Variants in FAM193A observed in about 807,000 individuals in gnomAD.
FAM193A encodes the protein family with sequence similarity 193 member A, also known as protein FAM193A.
Under a neutral mutation model 126.5 loss-of-function variants are expected in FAM193A, and 22 were observed. The ratio of observed to expected loss-of-function variants is 0.17; its 90% CI spans 0.12 to 0.25. FAM193A has a LOEUF of 0.25. Ranked by LOEUF, FAM193A falls within the 10% of genes least tolerant of loss-of-function variation. The pLI is 1.00. For synonymous variants in FAM193A, 761 were observed against 646.8 expected (o/e 1.18, Z -2.68); for missense variants, 1,675 against 1,672.8 (o/e 1.00, Z -0.02).
chr4:2,670,378 T>G (rs1713651104), intron 12 of FAM193A, among the ~76,000 whole-genome samples: 1 of 152,234 alleles, frequency 6.6e-6, no homozygotes, highest in African/African-American at 2.4e-5. Flanking sequence ...ACAGCTGCTT[T>G]GACATCTTTG....
intron 1 of FAM193A, among the ~76,000 whole-genome samples, chr4:2,575,341 A>G (rs1333674467): frequency 6.6e-6 from 1 of 152,226 alleles, no homozygotes; most frequent in African/African-American, 2.4e-5. Flanking sequence ...GCGCTCAGTC[A>G]GGGCCAGGCT....
intron 6 of FAM193A, among the ~76,000 whole-genome samples, chr4:2,646,353 G>A (rs1266908845): frequency 1.3e-5 from 2 of 151,674 alleles, no homozygotes; most frequent in Non-Finnish European, 2.9e-5. Context: ...TGTATTTTTA[G>A]TAGAGATGGG....
At chr4:2,597,943 C>T (rs1480457941) in intron 2 of FAM193A, among the ~76,000 whole-genome samples, 1 of 151,986 alleles carries the variant, frequency 6.6e-6, no homozygotes, top group African/African-American at 2.4e-5. Context: ...CTCGCTCTGT[C>T]ACCCAGGCTG....
At chr4:2,641,561 A>G (rs1293256063) in intron 6 of FAM193A, among the ~76,000 whole-genome samples, 1 of 152,110 alleles carries the variant, frequency 6.6e-6, no homozygotes, top group Non-Finnish European at 1.5e-5. Context: ...AGGCTGAGGC[A>G]GAAGAATGGC....
chr4:2,603,168 A>G (rs528347436), intron 2 of FAM193A, among the ~76,000 whole-genome samples: 1 of 137,222 alleles, frequency 7.3e-6, no homozygotes, highest in African/African-American at 3.3e-5. Context: ...ATATATATAT[A>G]TTTTTTAGTA....
At position 2,662,923 on chromosome 4, in the gene FAM193A, G is replaced by T. The variant is rs779580480; in HGVS notation, c.1831G>T (p.Val611Leu). 2 of 1,613,724 alleles carry T rather than the reference G, an allele frequency of 1.2e-6. No individual in the cohort carries two copies. Among genetic ancestry groups the T allele is most frequent in the Non-Finnish European group, 1.7e-6 (2 of 1,179,790 alleles). The change falls in exon 11 of 21, where the codon GTG becomes TTG. Residue 611 changes from valine (V) to leucine (L), a missense_variant. Around this residue, in one of 4 missense-constraint regions of FAM193A, gnomAD observed 1,186 missense variants for 1,109.2 expected, o/e 1.07. Transcript: ENST00000637812. ...PLSNYDDTEVVANMNGIHSEL... is the reference protein window; with the variant it reads ...PLSNYDDTEVLANMNGIHSEL... ...GAGTAATTATGATGATACCGAGGTG[G>T]TGGCCAACATGAATGGAATCCACAG...
chr4:2,572,553 G>T (rs1739355087), intron 1 of FAM193A, among the ~76,000 whole-genome samples: 1 of 152,020 alleles, frequency 6.6e-6, no homozygotes, highest in Non-Finnish European at 1.5e-5. Context: ...AGGCTGTAGG[G>T]TGAGCTGAGG....
intron 7 of FAM193A, among the ~76,000 whole-genome samples, chr4:2,656,306 C>G (rs1711673680): frequency 1.3e-5 from 2 of 152,188 alleles, no homozygotes; most frequent in African/African-American, 2.4e-5. Flanking sequence ...GGAAGAAGAA[C>G]AAGAACTATA....
Position 2,551,908 on chromosome 4 carries a change from A to G in FAM193A, c.255+14738A>G, listed in dbSNP as rs143406814. Among the ~76,000 whole-genome samples the G allele has an allele frequency of 1.5e-3, 232 of 151,176 alleles. 1 individual carries two copies. The highest frequency in any genetic ancestry group is 5.2e-3 in the African/African-American group (212 of 41,144). On this transcript the variant is annotated intron_variant, in intron 1 of 20. Transcript: ENST00000637812. ...TAGTCTGGAGTGCTGTGGCTTGATC[A>G]TAGCTCACTGTAACCTTGAACTCCT...
chr4:2,648,841 G>T (rs1745389199), intron 7 of FAM193A, among the ~76,000 whole-genome samples: 1 of 152,198 alleles, frequency 6.6e-6, no homozygotes, highest in African/African-American at 2.4e-5. Flanking sequence ...TTCGGCAGAG[G>T]CTCTTCAGGG....
chr4:2,655,432 T>TGC (rs1216953300), intron 7 of FAM193A, among the ~76,000 whole-genome samples: 1 of 149,936 alleles, frequency 6.7e-6, no homozygotes, highest in African/African-American at 2.5e-5. Context: ...GACGTGTGTG[T>TGC]GTGTGCGTGT....
At chr4:2,626,127 G>A (rs1560493061) in intron 3 of FAM193A, among the ~76,000 whole-genome samples, 2 of 152,184 alleles carry the variant, frequency 1.3e-5, no homozygotes, top group Admixed American at 6.5e-5. Context: ...AAGTACCTTG[G>A]AGGTGAAGGC....
intron 1 of FAM193A, among the ~76,000 whole-genome samples, chr4:2,583,089 C>T (rs748114122): frequency 2.6e-4 from 39 of 152,234 alleles, no homozygotes; most frequent in Non-Finnish European, 3.7e-4. Context: ...CTGCCTCAGC[C>T]TCCAAAGTAG....
chr4:2,667,151 AGT>A (rs1388234941), intron 12 of FAM193A, among the ~76,000 whole-genome samples: 1 of 152,106 alleles, frequency 6.6e-6, no homozygotes, highest in African/African-American at 2.4e-5. Flanking sequence ...TGTTGTGTGG[AGT>A]GTTCAAGAAA....
intron 1 of FAM193A, among the ~76,000 whole-genome samples, chr4:2,539,410 G>C (rs989636874): frequency 6.6e-6 from 1 of 152,072 alleles, no homozygotes; most frequent in Non-Finnish European, 1.5e-5. Flanking sequence ...TGTTAAACTA[G>C]TATGCATCAG....
intron 1 of FAM193A, among the ~76,000 whole-genome samples, chr4:2,552,098 G>A (rs1021944901): frequency 1.4e-5 from 2 of 143,010 alleles, no homozygotes; most frequent in Admixed American, 1.5e-4. Context: ...TGCAAGCTCC[G>A]CCTCCTGGGT....
intron 7 of FAM193A, among the ~76,000 whole-genome samples, chr4:2,652,578 G>T (rs935849301): frequency 2.2e-4 from 33 of 152,078 alleles, no homozygotes; most frequent in Non-Finnish European, 4.3e-4. Flanking sequence ...GGGTGGGGAG[G>T]TGCTACACAC....
At chr4:2,571,465 T>C (rs1560451161) in intron 1 of FAM193A, among the ~76,000 whole-genome samples, 1 of 152,088 alleles carries the variant, frequency 6.6e-6, no homozygotes, top group Non-Finnish European at 1.5e-5. Context: ...GCTTCTGAGG[T>C]AGAAGTCCTA....
At chr4:2,553,763 T>C (rs1170667312) in intron 1 of FAM193A, among the ~76,000 whole-genome samples, 2 of 152,132 alleles carry the variant, frequency 1.3e-5, no homozygotes, top group Admixed American at 1.3e-4. Context: ...TCTCGTGTGT[T>C]GTGGGAGGGA....
Sources: allele counts gnomAD v4.1 joint callset (sites outside exome capture counted in the v4.1 genomes callset), GRCh38; gene constraint gnomAD v4.1.1; regional missense constraint gnomAD v4.1.1; transcripts MANE v1.5; gene names NCBI Gene and HGNC (gene_info 2026-07-23, HGNC 2026-07-21).